The following DIAPH3 variants were observed in gnomAD, a reference collection of about 807,000 sequenced individuals.
DIAPH3 encodes protein diaphanous homolog 3.
A neutral mutation model predicts 144.3 loss-of-function variants in DIAPH3; 117 were observed. The observed-to-expected ratio is 0.81, with a 90% confidence interval of 0.70 to 0.95. The LOEUF is 0.95. Ranked by LOEUF, DIAPH3 falls within the 40% of genes least tolerant of loss-of-function variation. The probability of loss-of-function intolerance (pLI) is 0.00; values close to 1 mark genes in which losing one functional copy is unlikely to be tolerated. For missense variants in DIAPH3, 1,421 were observed against 1,412.7 expected (o/e 1.01, Z -0.09); for synonymous variants, 519 against 488.9 (o/e 1.06, Z -0.81).
At chr13:59,673,623 A>C (rs2032493773) in intron 27 of DIAPH3, among the ~76,000 whole-genome samples, 1 of 152,202 alleles carries the variant, frequency 6.6e-6, no homozygotes, top group South Asian at 2.1e-4. Flanking sequence ...CAGAAAGACC[A>C]ATCATGTGAT....
At chr13:59,728,894 A>C (rs2035735074) in intron 27 of DIAPH3, among the ~76,000 whole-genome samples, 1 of 152,124 alleles carries the variant, frequency 6.6e-6, no homozygotes, top group Non-Finnish European at 1.5e-5. Flanking sequence ...ATATATTATA[A>C]GAAGAAGTAG....
chr13:59,865,333 A>G (rs1175007483), intron 21 of DIAPH3, among the ~76,000 whole-genome samples: 1 of 152,078 alleles, frequency 6.6e-6, no homozygotes, highest in African/African-American at 2.4e-5. Context: ...GAGCTAGAAC[A>G]AGTAAAGCTT....
intron 20 of DIAPH3, among the ~76,000 whole-genome samples, chr13:59,893,060 A>G (rs1224318680): frequency 6.6e-6 from 1 of 152,150 alleles, no homozygotes; most frequent in Admixed American, 6.5e-5. Flanking sequence ...AGTAGCTGCT[A>G]TGTGAAAATA....
At chr13:60,039,884 T>G (rs1049049172) in intron 5 of DIAPH3, among the ~76,000 whole-genome samples, 1 of 152,098 alleles carries the variant, frequency 6.6e-6, no homozygotes, top group African/African-American at 2.4e-5. Context: ...CTTCCAAGTT[T>G]TACATGTCCA....
chr13:60,008,120 G>A (rs1156323175), intron 9 of DIAPH3, among the ~76,000 whole-genome samples: 2 of 152,250 alleles, frequency 1.3e-5, no homozygotes, highest in African/African-American at 2.4e-5. Context: ...TAGGCCGGAC[G>A]CAGTGGCTCA....
intron 25 of DIAPH3, among the ~76,000 whole-genome samples, chr13:59,801,604 T>C (rs2039902567): frequency 1.3e-5 from 2 of 152,214 alleles, no homozygotes; most frequent in African/African-American, 4.8e-5. Flanking sequence ...TCTCCAAGAA[T>C]TGCTTGCTCT....
rs1210171845 is a variant in DIAPH3, at chr13:60,083,992, TGATAGATAGATAGACAGATA to T, written c.495+9616_495+9635del. On this transcript the variant is annotated intron_variant, in intron 4 of 27. Transcript: ENST00000400324. ...TATAGTCTGAGGATGCACTTTTGAGTGATAGATAGATAGACAGATAGATAGATAGATAGATAGATAGATAG... is the reference window on the plus strand; with the variant it reads ...TATAGTCTGAGGATGCACTTTTGAGTGATAGATAGATAGATAGATAGATAG... Among the ~76,000 whole-genome samples the T allele has an allele frequency of 8.1e-4, 117 of 143,594 alleles. 2 individuals carry two copies. Among genetic ancestry groups the T allele is most frequent in the African/African-American group, 2.4e-3 (92 of 38,426 alleles). The allele number at this position is 143,594 out of a possible 152,430, so 94.2% of individuals were successfully genotyped here.
intron 13 of DIAPH3, 129 bp from the exon 14 acceptor site, chr13:59,980,988 G>A: frequency 1.4e-6 from 1 of 700,074 alleles, no homozygotes; most frequent in Non-Finnish European, 2.4e-6. Flanking sequence ...AAACAAAATG[G>A]AAAAAATATT....
At chr13:59,876,636 C>T (rs1026760851) in intron 21 of DIAPH3, among the ~76,000 whole-genome samples, 16 of 152,196 alleles carry the variant, frequency 1.1e-4, no homozygotes, top group Non-Finnish European at 2.1e-4. Flanking sequence ...ATACCAACCA[C>T]TGCAGTAGGC....
At chr13:60,097,459 T>C (rs146236323) in intron 3 of DIAPH3, among the ~76,000 whole-genome samples, 6 of 152,316 alleles carry the variant, frequency 3.9e-5, no homozygotes, top group African/African-American at 1.4e-4. Context: ...CACACCAGCT[T>C]TTTCTTGTCT....
intron 5 of DIAPH3, among the ~76,000 whole-genome samples, chr13:60,018,258 T>G (rs1245737510): frequency 1.3e-5 from 2 of 152,200 alleles, no homozygotes; most frequent in Admixed American, 1.3e-4. Flanking sequence ...TTAATCATTG[T>G]GAAGAATAAA....
chr13:59,979,589 T>C (rs1044561357), intron 14 of DIAPH3, among the ~76,000 whole-genome samples: 13 of 151,686 alleles, frequency 8.6e-5, no homozygotes, highest in Admixed American at 3.3e-4. Flanking sequence ...TCATTTAGCG[T>C]TTGGTAAAGT....
At chr13:59,695,849 A>G (rs1426647127) in intron 27 of DIAPH3, among the ~76,000 whole-genome samples, 5 of 152,192 alleles carry the variant, frequency 3.3e-5, no homozygotes, top group Non-Finnish European at 7.3e-5. Context: ...AACCAATTAA[A>G]AAGATATGCA....
chr13:59,885,374 T>G (rs1566466513), intron 20 of DIAPH3, among the ~76,000 whole-genome samples: 1 of 150,490 alleles, frequency 6.6e-6, no homozygotes. Context: ...CACTATAGCT[T>G]AGTTTTGCCT....
chr13:59,688,191 T>C (rs1164680387), intron 27 of DIAPH3, among the ~76,000 whole-genome samples: 2 of 152,060 alleles, frequency 1.3e-5, no homozygotes, highest in Admixed American at 1.3e-4. Flanking sequence ...GATGGCTCTA[T>C]TGTTGTCTTT....
chr13:60,072,072 A>G (rs535563826), intron 4 of DIAPH3, among the ~76,000 whole-genome samples: 92 of 152,246 alleles, frequency 6.0e-4, no homozygotes, highest in African/African-American at 1.8e-3. Context: ...AGAAGGCTCC[A>G]TAGATTTGGT....
chr13:60,068,736 C>T (rs2057075931), intron 4 of DIAPH3, among the ~76,000 whole-genome samples: 2 of 152,090 alleles, frequency 1.3e-5, no homozygotes, highest in South Asian at 2.1e-4. Context: ...CTTATAAATG[C>T]AGTATTTAGT....
chr13:59,980,782 G>T lies in DIAPH3; in HGVS notation c.1545+13C>A, dbSNP rs1317961231. On this transcript the variant is annotated intron_variant, in intron 14 of 27. Coordinates refer to ENST00000400324, the MANE Select transcript of DIAPH3 (RefSeq NM_001042517.2). ...CCCCACAGAATACTATAAAGTTAGTGAAAACTACTTACTTTCTTGTAAAGT... is the reference window on the plus strand; with the variant it reads ...CCCCACAGAATACTATAAAGTTAGTTAAAACTACTTACTTTCTTGTAAAGT... 1.9e-6 allele frequency: 3 copies of T among 1,604,122 alleles called. No homozygotes were observed. The highest frequency in any genetic ancestry group is 2.6e-6 in the Non-Finnish European group (3 of 1,172,434).
At chr13:59,858,142 T>C (rs2043360493) in intron 22 of DIAPH3, among the ~76,000 whole-genome samples, 1 of 152,136 alleles carries the variant, frequency 6.6e-6, no homozygotes, top group Admixed American at 6.6e-5. Context: ...GGTGGTATTA[T>C]GGGAATTGAA....
Sources: allele counts gnomAD v4.1 joint callset (sites outside exome capture counted in the v4.1 genomes callset), GRCh38; gene constraint gnomAD v4.1.1; transcripts MANE v1.5; gene names NCBI Gene and HGNC (gene_info 2026-07-23, HGNC 2026-07-21).